KCNQ1OT1: variants seen among roughly 807,000 people sequenced by gnomAD.
The protein encoded by KCNQ1OT1 is KCNQ1 antisense RNA 2 (non-protein coding).
exon 1 of KCNQ1OT1, chr11:2,635,091 A>G (rs1261786374): frequency 1.3e-5 from 2 of 152,222 alleles, no homozygotes; most frequent in African/African-American, 4.8e-5. Flanking sequence ...GCCTTTTATC[A>G]GATGAGTAGA....
At chr11:2,630,975 T>C (rs1849343178) in exon 1 of KCNQ1OT1, 1 of 398,442 alleles carries the variant, frequency 2.5e-6, no homozygotes, top group Non-Finnish European at 4.4e-6. Flanking sequence ...CCTGCAGATG[T>C]AAGAACTTTA....
Position 2,659,996 on chromosome 11 carries a change from T to C in KCNQ1OT1, n.39999A>G, listed in dbSNP as rs143115576. ...TCTTTCCAAGTCTGTGCTTTGTCTT[T>C]TCATTCCATTAGCAGTGTCTGTTGC... On this transcript the variant is annotated non_coding_transcript_exon_variant, in exon 1 of 1. Transcript: ENST00000597346. This position sits in a 1 kb window ranked among gnomAD's most constrained non-coding sequence, Gnocchi z 4.3. 37 of 398,476 alleles carry C rather than the reference T, an allele frequency of 9.3e-5. No homozygotes were observed. The highest frequency in any genetic ancestry group is 6.8e-4 in the African/African-American group (33 of 48,758). The allele number at this position is 398,476 out of a possible 1,614,324, so 24.7% of individuals were successfully genotyped here. A position where few individuals can be genotyped will look rare whatever the true frequency, so the allele number is the denominator to read the frequency against.
Position 2,661,807 on chromosome 11 carries a change from C to T in KCNQ1OT1, n.38188G>A, listed in dbSNP as rs1490786693. ...GGGGCCATCTTAAACACCCACCCAC[C>T]CCAACACCCAACTATAAAACTGATT... On this transcript the variant is annotated non_coding_transcript_exon_variant, in exon 1 of 1. Coordinates refer to ENST00000597346, the Ensembl canonical transcript of KCNQ1OT1. This position sits in a 1 kb window ranked among gnomAD's most constrained non-coding sequence, Gnocchi z 5.9. The T allele has an allele frequency of 1.1e-6, 1 of 908,852 alleles. No individual in the cohort carries two copies. Among genetic ancestry groups the T allele is most frequent in the Admixed American group, 2.0e-5 (1 of 50,160 alleles). 56.3% of individuals were successfully genotyped at this position (908,852 alleles called of 1,614,324 possible). A position where few individuals can be genotyped will look rare whatever the true frequency, so the allele number is the denominator to read the frequency against.
chr11:2,665,292 T>C (rs1850046255), exon 1 of KCNQ1OT1: 1 of 398,220 alleles, frequency 2.5e-6, no homozygotes, highest in South Asian at 1.3e-4. Context: ...CCCAGAACCA[T>C]ATGACAGGGC....
rs1477456212 is a variant in KCNQ1OT1 at position 2,611,198 on chromosome 11, G to A, written n.88797C>T. The A allele has an allele frequency of 2.5e-6, 1 of 398,106 alleles. No homozygotes were observed. Among genetic ancestry groups the A allele is most frequent in the East Asian group, 3.6e-5 (1 of 28,070 alleles). The allele number at this position is 398,106 out of a possible 1,614,324, so 24.7% of individuals were successfully genotyped here. A position where few individuals can be genotyped will look rare whatever the true frequency, so the allele number is the denominator to read the frequency against. On this transcript the variant is annotated non_coding_transcript_exon_variant, in exon 1 of 1. Transcript: ENST00000597346. This position sits in a 1 kb window ranked among gnomAD's most constrained non-coding sequence, Gnocchi z 5.3. ...TCTAATAACATGGTTTGTTTTTAAA[G>A]TCTATTTTGTCTGATTTTATTTATT...
At chr11:2,699,769 G>A (rs979049907) in exon 1 of KCNQ1OT1, 1 of 378,106 alleles carries the variant, frequency 2.6e-6, no homozygotes, top group Non-Finnish European at 4.6e-6. Context: ...CCGCGCTGAG[G>A]AGCCCCGAGG....
exon 1 of KCNQ1OT1, chr11:2,643,332 G>T: frequency 5.0e-6 from 2 of 398,354 alleles, no homozygotes; most frequent in Admixed American, 8.8e-5. Context: ...ATATATCTGG[G>T]TGCTTTGGTG....
chr11:2,681,319 C>T (rs1386379152), exon 1 of KCNQ1OT1: 1 of 398,554 alleles, frequency 2.5e-6, no homozygotes, highest in Non-Finnish European at 4.4e-6. Context: ...TTCTCTGTCT[C>T]TCTCCAACTG....
exon 1 of KCNQ1OT1, chr11:2,665,987 G>T: frequency 1.0e-5 from 4 of 398,642 alleles, no homozygotes; most frequent in Non-Finnish European, 4.4e-6. Flanking sequence ...AGCCAGCCAG[G>T]ACTGGCCTGG....
At chr11:2,662,816 G>A (rs769156246) in exon 1 of KCNQ1OT1, 33 of 398,902 alleles carry the variant, frequency 8.3e-5, no homozygotes, top group Middle Eastern at 6.3e-4. Flanking sequence ...AGTGACACTC[G>A]CGGCCCTTCT....
chr11:2,673,522 G>A lies in KCNQ1OT1; in HGVS notation n.26473C>T. ...AACCACTTGTTGATGCTGACAGCCT[G>A]TAGAAAGATTGCTCTCAGCCTATCC... On this transcript the variant is annotated non_coding_transcript_exon_variant, in exon 1 of 1. Transcript: ENST00000597346. This position sits in a 1 kb window ranked among gnomAD's most constrained non-coding sequence, Gnocchi z 4.5. The A allele has an allele frequency of 2.5e-6, 1 of 398,674 alleles. No individual in the cohort carries two copies. Among genetic ancestry groups the A allele is most frequent in the East Asian group, 3.6e-5 (1 of 28,076 alleles). The allele number at this position is 398,674 out of a possible 1,614,324, so 24.7% of individuals were successfully genotyped here. A position where few individuals can be genotyped will look rare whatever the true frequency, so the allele number is the denominator to read the frequency against.
chr11:2,614,595 A>T (rs1849031072), exon 1 of KCNQ1OT1: 2 of 398,368 alleles, frequency 5.0e-6, no homozygotes, highest in Non-Finnish European at 8.8e-6. Flanking sequence ...TCTTTGATAT[A>T]TGAGGATCCA....
chr11:2,611,010 A>AATT lies in KCNQ1OT1; in HGVS notation n.88984_88985insAAT. On this transcript the variant is annotated non_coding_transcript_exon_variant, in exon 1 of 1. Coordinates refer to ENST00000597346, the Ensembl canonical transcript of KCNQ1OT1. The surrounding 1 kb of genome is among the most constrained non-coding windows in gnomAD (Gnocchi z 5.3). ...ATTGTTGAGTTGTCTATTATTGTTC[A>AATT]GTTGTCTGTTTCTCTCTTCATTTCT... is the stretch of plus-strand genomic sequence containing the variant. 1.3e-5 allele frequency: 5 copies of AATT among 398,434 alleles called. No individual in the cohort carries two copies. The highest frequency in any genetic ancestry group is 6.3e-4 in the Middle Eastern group (1 of 1,588). 24.7% of individuals were successfully genotyped at this position (398,434 alleles called of 1,614,324 possible).
rs545123501 is a variant in KCNQ1OT1, at chr11:2,679,798, A to G, written n.20197T>C. The G allele has an allele frequency of 2.0e-5, 8 of 398,642 alleles. No homozygotes were observed. In the South Asian group the frequency reaches 7.6e-4, roughly 38 times the overall value. The allele number at this position is 398,642 out of a possible 1,614,324, so 24.7% of individuals were successfully genotyped here. The stretch of plus-strand genomic sequence containing the variant: ...GGGCCTGTTAGGCCAGTTGAGGGCT[A>G]GAGGAGCACAAGGGGCCAGACTGCT... On this transcript the variant is annotated non_coding_transcript_exon_variant, in exon 1 of 1. Coordinates refer to ENST00000597346, the Ensembl canonical transcript of KCNQ1OT1. The surrounding 1 kb of genome is among the most constrained non-coding windows in gnomAD (Gnocchi z 4.8).
exon 1 of KCNQ1OT1, chr11:2,614,510 T>G (rs898398214): frequency 1.0e-5 from 4 of 398,384 alleles, no homozygotes; most frequent in African/African-American, 8.2e-5. Flanking sequence ...ATTTATGCCT[T>G]TAACTCTTAT....
rs770291429 is a variant in KCNQ1OT1, at chr11:2,623,318, G to A, written n.76677C>T. On this transcript the variant is annotated non_coding_transcript_exon_variant, in exon 1 of 1. Coordinates refer to ENST00000597346, the Ensembl canonical transcript of KCNQ1OT1. The surrounding 1 kb of genome is among the most constrained non-coding windows in gnomAD (Gnocchi z 5.2). ...TAGTTCTTTATAGCACTGTGAGAAC[G>A]GACTAATATGCATGTATCTACCATT... The A allele has an allele frequency of 2.4e-4, 97 of 398,576 alleles. No homozygotes were observed. Among genetic ancestry groups the A allele is most frequent in the Non-Finnish European group, 3.6e-4 (82 of 226,056 alleles). 24.7% of individuals were successfully genotyped at this position (398,576 alleles called of 1,614,324 possible).
At chr11:2,655,388 T>C (rs1849827327) in exon 1 of KCNQ1OT1, 3 of 398,550 alleles carry the variant, frequency 7.5e-6, no homozygotes, top group Non-Finnish European at 8.8e-6. Flanking sequence ...TGTGACTTCA[T>C]TGTCACCAGG....
chr11:2,611,373 C>T lies in KCNQ1OT1; in HGVS notation n.88622G>A. On this transcript the variant is annotated non_coding_transcript_exon_variant, in exon 1 of 1. Transcript: ENST00000597346. The surrounding 1 kb of genome is among the most constrained non-coding windows in gnomAD (Gnocchi z 5.3). The stretch of plus-strand genomic sequence containing the variant: ...TAGCTGGGACTACAGGCATTTGCCA[C>T]CATACCCAGCTAATTTTTAGTAGAG... 1 of 397,416 alleles carries T rather than the reference C, an allele frequency of 2.5e-6. No homozygotes were observed. Among genetic ancestry groups the T allele is most frequent in the Non-Finnish European group, 4.4e-6 (1 of 225,898 alleles). 24.6% of individuals were successfully genotyped at this position (397,416 alleles called of 1,614,324 possible).
rs968405222 is a variant in KCNQ1OT1, at chr11:2,698,989, G to T, written n.1006C>A. 5.0e-6 allele frequency: 2 copies of T among 398,444 alleles called. No homozygotes were observed. The highest frequency in any genetic ancestry group is 8.8e-5 in the Admixed American group (2 of 22,702). The allele number at this position is 398,444 out of a possible 1,614,324, so 24.7% of individuals were successfully genotyped here. The stretch of plus-strand genomic sequence containing the variant: ...AACCACAACGGGGATTCCCACCTCC[G>T]ATCCTAATTCGGGCCCTGACTCAGA... On this transcript the variant is annotated non_coding_transcript_exon_variant, in exon 1 of 1. Transcript: ENST00000597346. The surrounding 1 kb of genome is among the most constrained non-coding windows in gnomAD (Gnocchi z 5.1).
Sources: allele counts gnomAD v4.1 joint callset, GRCh38; gene constraint gnomAD v4.1.1; non-coding constraint Gnocchi (gnomAD v3.1); transcripts MANE v1.5; gene names NCBI Gene and HGNC (gene_info 2026-07-23, HGNC 2026-07-21).